Variants in ERBB4 observed in about 807,000 individuals in gnomAD.
ERBB4 encodes receptor tyrosine-protein kinase erbB-4.
ERBB4 carries 42 observed loss-of-function variants against 158.0 expected under a neutral mutation model. The ratio of observed to expected loss-of-function variants is 0.27; its 90% CI spans 0.21 to 0.34. The LOEUF (loss-of-function observed/expected upper bound fraction) is 0.34, where lower values mean the gene tolerates loss of function less well. ERBB4 is among the 10% of genes least tolerant of loss of function. ERBB4 has a pLI of 1.00. For missense variants in ERBB4, 1,333 were observed against 1,624.1 expected (o/e 0.82, Z 3.08); for synonymous variants, 583 against 558.7 (o/e 1.04, Z -0.61).
At chr2:212,215,306 A>G (rs16847909) in intron 1 of ERBB4, among the ~76,000 whole-genome samples, 5,357 of 151,656 alleles carry the variant, frequency 0.035, 280 homozygotes, top group African/African-American at 0.12. Flanking sequence ...TTAAATATTC[A>G]TGGAAAACAG....
At chr2:211,669,207 A>G (rs542621120) in intron 14 of ERBB4, among the ~76,000 whole-genome samples, 100 of 126,572 alleles carry the variant, frequency 7.9e-4, no homozygotes, top group African/African-American at 2.9e-3. Context: ...TGGGCGACAG[A>G]GTGAGTCTCA....
chr2:211,719,137 G>C (rs2106111125), intron 7 of ERBB4, among the ~76,000 whole-genome samples: 1 of 152,260 alleles, frequency 6.6e-6, no homozygotes, highest in East Asian at 1.9e-4. Flanking sequence ...CCTTCAGTGA[G>C]CCCATAACAC....
At chr2:211,706,803 T>G (rs992756086) in intron 9 of ERBB4, among the ~76,000 whole-genome samples, 6 of 152,134 alleles carry the variant, frequency 3.9e-5, no homozygotes, top group Middle Eastern at 3.2e-3. Context: ...ATTTTCTCAA[T>G]GTCATATTAA....
At chr2:212,141,196 T>G (rs2080463898) in intron 1 of ERBB4, among the ~76,000 whole-genome samples, 1 of 151,968 alleles carries the variant, frequency 6.6e-6, no homozygotes, top group Admixed American at 6.6e-5. Context: ...AATTTAGAAC[T>G]ACAGCGTTGT....
chr2:212,026,188 A>G lies in ERBB4; in HGVS notation c.235-78572T>C, dbSNP rs938373800. Among the ~76,000 whole-genome samples, 5 of 151,858 alleles carry G rather than the reference A, an allele frequency of 3.3e-5. 1 individual carries two copies. The highest frequency in any genetic ancestry group is 6.8e-3 in the Middle Eastern group (2 of 294). ...AAAAGAGACCTTTAAAAATAGCAAC[A>G]TAACATGTATTCAATAAATATTTAT... On this transcript the variant is annotated intron_variant, in intron 2 of 27. Transcript: ENST00000342788.
chr2:212,264,456 G>A (rs897991237), intron 1 of ERBB4, among the ~76,000 whole-genome samples: 3 of 152,034 alleles, frequency 2.0e-5, no homozygotes, highest in Admixed American at 6.6e-5. Context: ...CACTTGCACT[G>A]TATATTACTG....
At chr2:212,341,658 TA>T (rs1195003705) in intron 1 of ERBB4, among the ~76,000 whole-genome samples, 3 of 152,148 alleles carry the variant, frequency 2.0e-5, no homozygotes, top group Non-Finnish European at 4.4e-5. Context: ...ATATGTCCCA[TA>T]AAAATATTAA....
chr2:212,497,889 G>A (rs780165770), intron 1 of ERBB4, among the ~76,000 whole-genome samples: 3 of 152,022 alleles, frequency 2.0e-5, no homozygotes, highest in Non-Finnish European at 4.4e-5. Context: ...TTTTAAACTT[G>A]GGTATATTTA....
rs569384160 is a variant in ERBB4, at chr2:211,990,341, T to C, written c.235-42725A>G. On this transcript the variant is annotated intron_variant, in intron 2 of 27. Coordinates refer to ENST00000342788, the MANE Select transcript of ERBB4 (RefSeq NM_005235.3). ...ACTGCCACTTCAATGTACTTGTGTA[T>C]ATTGTAGGCATCCCACTTATTTTTT... 2.6e-5 allele frequency among the ~76,000 whole-genome samples: 4 copies of C among 152,100 alleles called. No homozygotes were observed. The East Asian group carries it at 7.7e-4, about 29-fold the overall frequency.
At chr2:212,119,921 G>T (rs1365363852) in intron 2 of ERBB4, among the ~76,000 whole-genome samples, 2 of 152,100 alleles carry the variant, frequency 1.3e-5, no homozygotes, top group African/African-American at 4.8e-5. Flanking sequence ...AATTGCAAAG[G>T]CTCACTTTTG....
chr2:212,432,837 C>T (rs1056275277), intron 1 of ERBB4, among the ~76,000 whole-genome samples: 1 of 152,112 alleles, frequency 6.6e-6, no homozygotes, highest in Non-Finnish European at 1.5e-5. Flanking sequence ...ATGTAATTAA[C>T]TTGCCTCATC....
chr2:212,197,284 C>T (rs1225141422), intron 1 of ERBB4, among the ~76,000 whole-genome samples: 2 of 152,126 alleles, frequency 1.3e-5, no homozygotes, highest in Non-Finnish European at 2.9e-5. Flanking sequence ...TAAGTGGGAA[C>T]AATAAAGACA....
At chr2:212,254,488 A>G (rs1307055580) in intron 1 of ERBB4, among the ~76,000 whole-genome samples, 5 of 152,126 alleles carry the variant, frequency 3.3e-5, no homozygotes, top group Admixed American at 3.3e-4. Context: ...ACCTACTCCC[A>G]CTTGCCAGGT....
rs73073357 is a variant in ERBB4 at position 211,904,819 on chromosome 2, T to C, written c.421+42611A>G. Among the ~76,000 whole-genome samples, 663 of 152,208 alleles carry C rather than the reference T, an allele frequency of 4.4e-3. 5 individuals are homozygous for C. The highest frequency in any genetic ancestry group is 0.015 in the African/African-American group (624 of 41,548). On this transcript the variant is annotated intron_variant, in intron 3 of 27. Coordinates refer to ENST00000342788, the MANE Select transcript of ERBB4 (RefSeq NM_005235.3). ...TTCACTCACTAGTATATAATTAGCA[T>C]TTATGGAAAGATGGGTACTATTTTA...
intron 2 of ERBB4, among the ~76,000 whole-genome samples, chr2:211,989,683 A>G (rs2082024057): frequency 6.6e-6 from 1 of 151,958 alleles, no homozygotes; most frequent in Non-Finnish European, 1.5e-5. Context: ...CTATGATATT[A>G]GGCATATTGA....
rs73081352 is a variant in ERBB4, at chr2:211,978,213, G to A, written c.235-30597C>T. On this transcript the variant is annotated intron_variant, in intron 2 of 27. Transcript: ENST00000342788. ...CATTTCCTAGCCTCTCTGGCAGTTG[G>A]GTAAGTGCAGGGCAATTGAACATGG... 9.3e-3 allele frequency among the ~76,000 whole-genome samples: 1,417 copies of A among 151,926 alleles called. 20 individuals carry two copies. Among genetic ancestry groups the A allele is most frequent in the African/African-American group, 0.033 (1,345 of 41,314 alleles).
At chr2:211,807,837 A>G (rs1413397239) in intron 3 of ERBB4, among the ~76,000 whole-genome samples, 1 of 152,130 alleles carries the variant, frequency 6.6e-6, no homozygotes, top group East Asian at 1.9e-4. Flanking sequence ...GTGAGATGGT[A>G]TCTCATTGTG....
At chr2:212,030,550 CTTTCCAAGAAACAAGGG>C (rs1201157294) in intron 2 of ERBB4, among the ~76,000 whole-genome samples, 2 of 152,060 alleles carry the variant, frequency 1.3e-5, no homozygotes, top group Non-Finnish European at 2.9e-5. Flanking sequence ...TTGGTGAGCT[CTTTCCAAGAAACAAGGG>C]TAGGGAAATA....
intron 3 of ERBB4, among the ~76,000 whole-genome samples, chr2:211,809,776 G>C (rs560386064): frequency 6.6e-6 from 1 of 152,066 alleles, no homozygotes; most frequent in Non-Finnish European, 1.5e-5. Flanking sequence ...TTTTAATTAT[G>C]ATGTTAGGGT....
Sources: gnomAD v4.1 joint callset for allele counts (sites outside exome capture counted in the v4.1 genomes callset) on GRCh38, gnomAD v4.1.1 for gene constraint, MANE v1.5 for transcripts, NCBI Gene and HGNC (gene_info 2026-07-23, HGNC 2026-07-21) for gene names.